Variants in GRB10 observed in about 807,000 individuals in gnomAD.
GRB10 encodes growth factor receptor bound protein 10, also known as growth factor receptor-bound protein 10.
In GRB10, 20 loss-of-function variants were observed where a neutral mutation model predicts 80.9. The observed-to-expected ratio is 0.25, with a 90% CI of 0.17 to 0.36. GRB10 has a LOEUF of 0.36. Ranked by LOEUF, GRB10 falls within the 10% of genes least tolerant of loss-of-function variation. The pLI is 1.00. For missense variants in GRB10, 548 were observed against 747.7 expected (o/e 0.73, Z 3.12); for synonymous variants, 291 against 291.5 (o/e 1.00, Z 0.02).
intron 6 of GRB10, among the ~76,000 whole-genome samples, chr7:50,672,873 A>G (rs2060507052): frequency 6.6e-6 from 1 of 152,240 alleles, no homozygotes; most frequent in African/African-American, 2.4e-5. Context: ...GCTAAGTACA[A>G]GGGGTCACGC....
intron 5 of GRB10, among the ~76,000 whole-genome samples, chr7:50,689,655 C>T (rs1206143036): frequency 6.6e-6 from 1 of 151,954 alleles, no homozygotes; most frequent in African/African-American, 2.4e-5. Context: ...ACAGTGTCTA[C>T]CCATGGGTAA....
At chr7:50,649,726 A>T (rs2057750539) in intron 7 of GRB10, among the ~76,000 whole-genome samples, 1 of 152,082 alleles carries the variant, frequency 6.6e-6, no homozygotes. Context: ...GAGGACAGGA[A>T]GCACTGGATA....
chr7:50,642,288 A>G (rs112538678), intron 7 of GRB10, among the ~76,000 whole-genome samples: 2,993 of 151,988 alleles, frequency 0.02, 115 homozygotes, highest in African/African-American at 0.069. Flanking sequence ...TCACACACAC[A>G]CACACACACG....
chr7:50,759,340 G>A (rs754096264), intron 2 of GRB10, among the ~76,000 whole-genome samples: 7 of 152,114 alleles, frequency 4.6e-5, no homozygotes, highest in Non-Finnish European at 8.8e-5. Flanking sequence ...CACAGAAGCG[G>A]GCAGCAGATG....
At chr7:50,594,816 A>G (rs1441105535) in intron 18 of GRB10, among the ~76,000 whole-genome samples, 1 of 152,212 alleles carries the variant, frequency 6.6e-6, no homozygotes, top group Non-Finnish European at 1.5e-5. Context: ...GTGTTGATTA[A>G]TGTATTCTGT....
chr7:50,731,451 A>AACATAT (rs1265505466), intron 4 of GRB10, among the ~76,000 whole-genome samples: 1 of 152,196 alleles, frequency 6.6e-6, no homozygotes, highest in Non-Finnish European at 1.5e-5. Context: ...CCACAGCCTG[A>AACATAT]ACATATAAAA....
intron 13 of GRB10, among the ~76,000 whole-genome samples, chr7:50,607,489 G>A (rs2048741757): frequency 6.6e-6 from 1 of 152,196 alleles, no homozygotes. Context: ...GCGGGACAGT[G>A]ACAAACATAA....
intron 15 of GRB10, 190 bp downstream of exon 15, chr7:50,605,099 GA>G: frequency 1.6e-6 from 1 of 611,980 alleles, no homozygotes; most frequent in Non-Finnish European, 2.9e-6. Flanking sequence ...GGACAGCGGG[GA>G]AAGGCTGGGT....
intron 6 of GRB10, among the ~76,000 whole-genome samples, chr7:50,670,864 T>A (rs2060286239): frequency 1.3e-5 from 2 of 152,164 alleles, no homozygotes; most frequent in Non-Finnish European, 2.9e-5. Context: ...AAAGCCTGTG[T>A]CCACATTAGA....
intron 2 of GRB10, among the ~76,000 whole-genome samples, chr7:50,769,384 G>C (rs1056530812): frequency 6.6e-6 from 1 of 152,128 alleles, no homozygotes; most frequent in African/African-American, 2.4e-5. Flanking sequence ...AGGAAAGAGA[G>C]TCCTGGGACC....
At chr7:50,613,508 G>A (rs981927192) in intron 12 of GRB10, among the ~76,000 whole-genome samples, 1 of 152,192 alleles carries the variant, frequency 6.6e-6, no homozygotes, top group Non-Finnish European at 1.5e-5. Flanking sequence ...AAACTGACCT[G>A]CATCTCCAGA....
intron 7 of GRB10, among the ~76,000 whole-genome samples, chr7:50,668,013 T>C (rs1056918583): frequency 2.0e-5 from 3 of 152,182 alleles, no homozygotes; most frequent in Admixed American, 2.0e-4. Flanking sequence ...GGATCCTTAT[T>C]TGAAGCAGAA....
intron 5 of GRB10, among the ~76,000 whole-genome samples, chr7:50,684,071 G>A (rs2061832096): frequency 6.6e-6 from 1 of 152,132 alleles, no homozygotes; most frequent in African/African-American, 2.4e-5. Context: ...CACATGCAAA[G>A]TGCCGCCGCC....
intron 9 of GRB10, among the ~76,000 whole-genome samples, chr7:50,618,813 T>G (rs1307461107): frequency 6.6e-6 from 1 of 152,262 alleles, no homozygotes; most frequent in African/African-American, 2.4e-5. Context: ...ATATTTGCTA[T>G]TTGCAGAGAA....
intron 3 of GRB10, among the ~76,000 whole-genome samples, chr7:50,743,369 A>G (rs1001594937): frequency 2.0e-5 from 3 of 152,266 alleles, no homozygotes; most frequent in Non-Finnish European, 2.9e-5. Flanking sequence ...AGAAAAGAGT[A>G]AATTTTTTAA....
At chr7:50,739,263 C>T (rs2071326576) in intron 3 of GRB10, among the ~76,000 whole-genome samples, 1 of 152,188 alleles carries the variant, frequency 6.6e-6, no homozygotes, top group Admixed American at 6.5e-5. Context: ...AAATGTTGCA[C>T]CCAATAACAC....
At chr7:50,730,391 T>C (rs2069471647) in intron 4 of GRB10, among the ~76,000 whole-genome samples, 1 of 152,256 alleles carries the variant, frequency 6.6e-6, no homozygotes. Flanking sequence ...AATTTTTCTC[T>C]ATAAAACTCT....
chr7:50,734,248 C>G (rs1282511021), intron 3 of GRB10, among the ~76,000 whole-genome samples: 2 of 152,068 alleles, frequency 1.3e-5, no homozygotes, highest in Non-Finnish European at 2.9e-5. Context: ...CAAACACACT[C>G]TTGTGCGACT....
intron 1 of GRB10, among the ~76,000 whole-genome samples, chr7:50,790,983 G>A (rs1295987722): frequency 1.3e-5 from 2 of 152,184 alleles, no homozygotes; most frequent in Admixed American, 6.5e-5. Flanking sequence ...TTTAAACTGG[G>A]TCAGGGCTGC....
Sources: gnomAD v4.1 joint callset for allele counts (sites outside exome capture counted in the v4.1 genomes callset) on GRCh38, gnomAD v4.1.1 for gene constraint, MANE v1.5 for transcripts, NCBI Gene and HGNC (gene_info 2026-07-23, HGNC 2026-07-21) for gene names.